NCOA2: variants seen among roughly 807,000 people sequenced by gnomAD.
NCOA2 encodes the protein class E basic helix-loop-helix protein 75.
NCOA2 carries 21 observed loss-of-function variants against 145.1 expected under a neutral mutation model. The observed-to-expected ratio is 0.14, with a 90% CI of 0.10 to 0.21. NCOA2 has a LOEUF of 0.21. NCOA2 is among the 10% of genes least tolerant of loss of function. The pLI is 1.00. For synonymous variants in NCOA2, 619 were observed against 637.5 expected, an observed-to-expected ratio of 0.97 and a Z score of 0.44; for missense variants, 1,472 against 1,837.6, an observed-to-expected ratio of 0.80 and a Z score of 3.64.
chr8:70,252,897 G>T (rs1318898981), intron 2 of NCOA2, among the ~76,000 whole-genome samples: 1 of 152,164 alleles, frequency 6.6e-6, no homozygotes, highest in African/African-American at 2.4e-5. Context: ...GTGACAAAAG[G>T]TGCTAGGGAA....
intron 2 of NCOA2, among the ~76,000 whole-genome samples, chr8:70,277,119 C>T (rs928163592): frequency 1.1e-4 from 16 of 152,104 alleles, no homozygotes; most frequent in African/African-American, 3.6e-4. Flanking sequence ...TTTTTTCCCT[C>T]GGGTTCTTCA....
At chr8:70,199,153 A>C (rs1450108045) in intron 4 of NCOA2, among the ~76,000 whole-genome samples, 3 of 152,172 alleles carry the variant, frequency 2.0e-5, no homozygotes, top group South Asian at 2.1e-4. Flanking sequence ...GGTACAGCTC[A>C]AAAGTAGAAA....
chr8:70,157,358 G>A (rs185556821), intron 10 of NCOA2, 118 bp from the exon 11 acceptor site: 2 of 912,422 alleles, frequency 2.2e-6, no homozygotes, highest in East Asian at 2.7e-5. Flanking sequence ...ACATTTTAAG[G>A]ATAGATAATA....
chr8:70,380,716 C>T (rs1031754169), intron 1 of NCOA2, among the ~76,000 whole-genome samples: 4 of 151,738 alleles, frequency 2.6e-5, no homozygotes, highest in Non-Finnish European at 1.5e-5. Context: ...CTATACAGCC[C>T]AAAATTTTGT....
intron 2 of NCOA2, among the ~76,000 whole-genome samples, chr8:70,239,291 G>T (rs1214690154): frequency 6.6e-6 from 1 of 152,056 alleles, no homozygotes; most frequent in Non-Finnish European, 1.5e-5. Flanking sequence ...TTGAACAATG[G>T]TTCATTCTGA....
Position 70,296,817 on chromosome 8 carries a change from C to G in NCOA2, c.-76-17G>C, listed in dbSNP as rs1827121648. 1 of 152,090 alleles carries G rather than the reference C, an allele frequency of 6.6e-6. No homozygotes were observed. The highest frequency in any genetic ancestry group is 2.1e-4 in the South Asian group (1 of 4,822). The allele number at this position is 152,090 out of a possible 1,614,324, so 9.4% of individuals were successfully genotyped here. The stretch of plus-strand genomic sequence containing the variant: ...AAGAGAAATCTGTAATATAAACAAA[C>G]AAATAAACGTGAATAAAATCTGCAG... On this transcript the variant is annotated splice_polypyrimidine_tract_variant and intron_variant, in intron 1 of 22. Transcript: ENST00000452400.
At chr8:70,131,726 C>T in intron 16 of NCOA2, 111 bp downstream of exon 16, 1 of 1,177,428 alleles carries the variant, frequency 8.5e-7, no homozygotes, top group Non-Finnish European at 1.2e-6. Context: ...GTAAAAAAAA[C>T]AACAACAATA....
chr8:70,289,668 T>G (rs1254795880), intron 2 of NCOA2, among the ~76,000 whole-genome samples: 1 of 151,986 alleles, frequency 6.6e-6, no homozygotes, highest in Non-Finnish European at 1.5e-5. Context: ...TAATTCTACT[T>G]TTTAAAAAGT....
chr8:70,187,835 C>T (rs985185844), intron 4 of NCOA2, among the ~76,000 whole-genome samples: 4 of 152,172 alleles, frequency 2.6e-5, no homozygotes, highest in African/African-American at 9.6e-5. Context: ...CATAAAATTT[C>T]TTCTTCTTTC....
chr8:70,191,999 G>A (rs2133272649), intron 4 of NCOA2, among the ~76,000 whole-genome samples: 1 of 152,256 alleles, frequency 6.6e-6, no homozygotes, highest in Middle Eastern at 3.4e-3. Flanking sequence ...CTGAGATCGT[G>A]CCACTGCACT....
At chr8:70,265,773 T>C (rs1824517875) in intron 2 of NCOA2, among the ~76,000 whole-genome samples, 1 of 152,172 alleles carries the variant, frequency 6.6e-6, no homozygotes, top group South Asian at 2.1e-4. Flanking sequence ...ATTTCCAAAT[T>C]CACCCTGTGT....
At chr8:70,365,256 T>A (rs1390280059) in intron 1 of NCOA2, among the ~76,000 whole-genome samples, 2 of 152,022 alleles carry the variant, frequency 1.3e-5, no homozygotes, top group Non-Finnish European at 2.9e-5. Context: ...AGATTGAGCC[T>A]GCGAGGTCGA....
chr8:70,289,438 T>C (rs1307726074), intron 2 of NCOA2, among the ~76,000 whole-genome samples: 1 of 152,200 alleles, frequency 6.6e-6, no homozygotes, highest in Non-Finnish European at 1.5e-5. Context: ...AATTTCCCCA[T>C]TCATCCTTCC....
intron 4 of NCOA2, among the ~76,000 whole-genome samples, chr8:70,198,442 C>G (rs563956345): frequency 2.4e-4 from 37 of 152,266 alleles, no homozygotes; most frequent in African/African-American, 8.4e-4. Flanking sequence ...CCTTGAATAC[C>G]ATGGGAAGGC....
the NCOA2 span, among the ~76,000 whole-genome samples, chr8:70,443,996 C>T: frequency 6.6e-6 from 1 of 152,184 alleles, no homozygotes. Context: ...CACGCACACA[C>T]ACAGAGCAAT....
chr8:70,295,510 A>ATTGGAAGAGTT (rs1215283008), intron 2 of NCOA2, among the ~76,000 whole-genome samples: 2 of 152,208 alleles, frequency 1.3e-5, no homozygotes, highest in African/African-American at 4.8e-5. Flanking sequence ...TAAATGTGGA[A>ATTGGAAGAGTT]TTGGAAGAGT....
intron 4 of NCOA2, among the ~76,000 whole-genome samples, chr8:70,175,353 T>C (rs534769164): frequency 6.6e-6 from 1 of 152,362 alleles, no homozygotes; most frequent in East Asian, 1.9e-4. Flanking sequence ...CTTTTACTGT[T>C]CCACTTCTGC....
chr8:70,182,241 T>C (rs956358235), intron 4 of NCOA2, among the ~76,000 whole-genome samples: 9 of 152,368 alleles, frequency 5.9e-5, no homozygotes, highest in African/African-American at 1.9e-4. Context: ...AAGCCGCAAG[T>C]TGCCTCCCTC....
chr8:70,358,559 C>A (rs1010091840), intron 1 of NCOA2, among the ~76,000 whole-genome samples: 1 of 151,940 alleles, frequency 6.6e-6, no homozygotes, highest in Non-Finnish European at 1.5e-5. Context: ...TATCCACATA[C>A]AAAAAAATGA....
Sources: gnomAD v4.1 joint callset for allele counts (sites outside exome capture counted in the v4.1 genomes callset) on GRCh38, gnomAD v4.1.1 for gene constraint, MANE v1.5 for transcripts, NCBI Gene and HGNC (gene_info 2026-07-23, HGNC 2026-07-21) for gene names.